DIDO1: variants seen among roughly 807,000 people sequenced by gnomAD.
DIDO1 encodes death inducer-obliterator 1, also known as death-inducer obliterator 1.
Under a neutral mutation model 99.4 loss-of-function variants are expected in DIDO1, and 16 were observed. The observed-to-expected ratio is 0.16, with a 90% CI of 0.11 to 0.24. The LOEUF (loss-of-function observed/expected upper bound fraction) is 0.24, where lower values mean the gene tolerates loss of function less well. Among genes scored for constraint, DIDO1 ranks in the 10% least tolerant of loss-of-function variants. The probability of loss-of-function intolerance (pLI) is 1.00; values close to 1 mark genes in which losing one functional copy is unlikely to be tolerated. For missense variants in DIDO1, 2,996 were observed against 3,014.0 expected (o/e 0.99, Z 0.14); for synonymous variants, 1,366 against 1,239.1 (o/e 1.10, Z -2.15).
chr20:62,902,036 T>C (rs1259644140), intron 6 of DIDO1, among the ~76,000 whole-genome samples: 1 of 151,646 alleles, frequency 6.6e-6, no homozygotes, highest in Non-Finnish European at 1.5e-5. Context: ...GAAGAGGTGG[T>C]GAATTCAGGG....
chr20:62,931,873 C>A (rs1295237605), intron 1 of DIDO1, among the ~76,000 whole-genome samples: 1 of 152,194 alleles, frequency 6.6e-6, no homozygotes, highest in Admixed American at 6.5e-5. Flanking sequence ...CTCCAGCAAC[C>A]TTCCAGAATT....
chr20:62,931,716 T>C (rs1212091633), intron 1 of DIDO1, among the ~76,000 whole-genome samples: 1 of 152,204 alleles, frequency 6.6e-6, no homozygotes, highest in East Asian at 1.9e-4. Context: ...CCAGACGCAA[T>C]GGGCCCCGGC....
intron 6 of DIDO1, 62 bp from the exon 7 acceptor site, chr20:62,897,058 C>A: frequency 6.8e-7 from 1 of 1,480,932 alleles, no homozygotes; most frequent in East Asian, 2.3e-5. Context: ...TCACCTGACT[C>A]TAAAAAGCAG....
Position 62,901,792 on chromosome 20 carries a change from CTA to C in DIDO1, c.1588+4093_1588+4094del, listed in dbSNP as rs571251458. 1.5e-4 allele frequency among the ~76,000 whole-genome samples: 21 copies of C among 143,640 alleles called. 1 individual carries two copies. In the South Asian group the frequency reaches 1.8e-3, roughly 12 times the overall value. The allele number at this position is 143,640 out of a possible 152,430, so 94.2% of individuals were successfully genotyped here. On this transcript the variant is annotated intron_variant, in intron 6 of 15. Transcript: ENST00000395343. ...TAACTTTTAGAAGCTAAGAATATAA[CTA>C]TGTGTATGTTGATGTGTTAACAGAA...
In DIDO1 at chr20:62,881,182, C is replaced by T. The variant is rs991037740; in HGVS notation, c.4774G>A (p.Glu1592Lys). 3.1e-6 allele frequency: 5 copies of T among 1,608,262 alleles called. No homozygotes were observed. Among genetic ancestry groups the T allele is most frequent in the Non-Finnish European group, 4.2e-6 (5 of 1,179,444 alleles). The stretch of plus-strand genomic sequence containing the variant: ...AGGCCACCCCTGGAAGCATCTCTCT[C>T]GGGCAGGGCACCCTGGGCACCACGT... ...SARGAQGALP[E>K]RDASRGGLVG... Residue 1592 changes from glutamate to lysine, a missense_variant, in exon 16 of 16, where the codon GAG (glutamate) becomes AAG (lysine). Coordinates refer to ENST00000395343, the MANE Select transcript of DIDO1 (RefSeq NM_001193369.2). This position sits in a 1 kb window ranked among gnomAD's most constrained non-coding sequence, Gnocchi z 8.3.
chr20:62,912,201 G>A (rs950080216), intron 2 of DIDO1, among the ~76,000 whole-genome samples: 1 of 152,218 alleles, frequency 6.6e-6, no homozygotes, highest in Non-Finnish European at 1.5e-5. Context: ...AGGGGCTGGG[G>A]CCAGGAAGGA....
chr20:62,879,633 C>A lies in DIDO1; in HGVS notation c.6323G>T (p.Arg2108Leu). The change falls in exon 16 of 16, where the codon CGG becomes CTG. Residue 2108 changes from arginine to leucine, a missense_variant. Transcript: ENST00000395343. This position sits in a 1 kb window ranked among gnomAD's most constrained non-coding sequence, Gnocchi z 6.3. Reference protein sequence around the residue: ...KPLEEPDAQGRASEDRRRERE... With the variant: ...KPLEEPDAQGLASEDRRRERE... ...CTCTCTCCTCCTGTCCTCGGACGCC[C>A]GGCCCTGGGCGTCGGGCTCCTCCAG... 4 of 1,606,210 alleles carry A rather than the reference C, an allele frequency of 2.5e-6. No homozygotes were observed. Among genetic ancestry groups the A allele is most frequent in the Non-Finnish European group, 3.4e-6 (4 of 1,179,754 alleles).
At chr20:62,920,657 G>T (rs985772209) in intron 1 of DIDO1, among the ~76,000 whole-genome samples, 1 of 152,208 alleles carries the variant, frequency 6.6e-6, no homozygotes, top group African/African-American at 2.4e-5. Context: ...GAGGCCCCCG[G>T]ATCAAAGCAG....
chr20:62,889,041 G>A, intron 15 of DIDO1: 1 of 985,508 alleles, frequency 1.0e-6, no homozygotes, highest in Non-Finnish European at 1.2e-6. Flanking sequence ...GTCCCCGTCA[G>A]GCGGCGTCGT....
chr20:62,936,335 T>C (rs1415145630), intron 1 of DIDO1, among the ~76,000 whole-genome samples: 1 of 149,510 alleles, frequency 6.7e-6, no homozygotes, highest in Non-Finnish European at 1.5e-5. Context: ...GGGTGATCAT[T>C]TGAGGTCAGG....
At position 62,877,855 on chromosome 20, in the gene DIDO1, CAAGT is replaced by C. The variant is rs1300897877; in HGVS notation, c.*1374_*1377del. On this transcript the variant is annotated 3_prime_UTR_variant, in exon 16 of 16. Transcript: ENST00000395343. The stretch of plus-strand genomic sequence containing the variant: ...AAATACAATGTACAGGAATCTCTAT[CAAGT>C]AAACTAAAGAAACACACTTGATTTT... 1 of 152,180 alleles carries C rather than the reference CAAGT, an allele frequency of 6.6e-6. No homozygotes were observed. Among genetic ancestry groups the C allele is most frequent in the Non-Finnish European group, 1.5e-5 (1 of 68,032 alleles). 9.4% of individuals were successfully genotyped at this position (152,180 alleles called of 1,614,324 possible).
At chr20:62,918,824 G>GT (rs11086146) in intron 1 of DIDO1, among the ~76,000 whole-genome samples, 29,423 of 152,082 alleles carry the variant, frequency 0.19, 2,948 homozygotes, top group East Asian at 0.28. Context: ...TCATCAATCT[G>GT]TTTATTATGC....
chr20:62,891,429 G>A (rs536259073), intron 14 of DIDO1, among the ~76,000 whole-genome samples: 1 of 152,258 alleles, frequency 6.6e-6, no homozygotes, highest in South Asian at 2.1e-4. Flanking sequence ...TCCCTAGAGG[G>A]GGTTAAACTA....
intron 15 of DIDO1, among the ~76,000 whole-genome samples, chr20:62,883,051 G>A (rs957681400): frequency 6.7e-6 from 1 of 150,164 alleles, no homozygotes; most frequent in African/African-American, 2.5e-5. Context: ...AGCCTCCTGA[G>A]TAGCTGGGAT....
intron 4 of DIDO1, among the ~76,000 whole-genome samples, chr20:62,907,690 C>T (rs2064838361): frequency 6.6e-6 from 1 of 152,202 alleles, no homozygotes; most frequent in Admixed American, 6.5e-5. Flanking sequence ...AGAGGACCCA[C>T]ATGCAGGGCT....
intron 6 of DIDO1, among the ~76,000 whole-genome samples, chr20:62,902,558 C>G (rs916889755): frequency 1.3e-5 from 2 of 152,138 alleles, no homozygotes; most frequent in South Asian, 4.1e-4. Context: ...GTTCTAGAAT[C>G]CCCCCATGTA....
intron 15 of DIDO1, among the ~76,000 whole-genome samples, chr20:62,885,780 T>C (rs1053093646): frequency 1.8e-4 from 28 of 152,246 alleles, no homozygotes; most frequent in African/African-American, 6.8e-4. Flanking sequence ...ATGTAAAATG[T>C]GGCAGGCGCC....
In DIDO1 at chr20:62,878,125, C is replaced by G. The variant is rs540728162; in HGVS notation, c.*1108G>C. On this transcript the variant is annotated 3_prime_UTR_variant, in exon 16 of 16. Coordinates refer to ENST00000395343, the MANE Select transcript of DIDO1 (RefSeq NM_001193369.2). ...CAATGGAATAACAGACTCCAAAGAA[C>G]AAGTGAAGTTCTTTAATTTTACATC... 7.9e-5 allele frequency: 12 copies of G among 152,160 alleles called. No homozygotes were observed. The highest frequency in any genetic ancestry group is 1.8e-4 in the Non-Finnish European group (12 of 68,016). The allele number at this position is 152,160 out of a possible 1,614,324, so 9.4% of individuals were successfully genotyped here. A position where few individuals can be genotyped will look rare whatever the true frequency, so the allele number is the denominator to read the frequency against.
chr20:62,923,244 C>T (rs191233843), intron 1 of DIDO1, among the ~76,000 whole-genome samples: 225 of 152,206 alleles, frequency 1.5e-3, no homozygotes, highest in African/African-American at 5.0e-3. Flanking sequence ...GGTGCGGTCT[C>T]GGCTCACTGC....
Sources: gnomAD v4.1 joint callset for allele counts (sites outside exome capture counted in the v4.1 genomes callset) on GRCh38, gnomAD v4.1.1 for gene constraint, Gnocchi (gnomAD v3.1) non-coding constraint, MANE v1.5 for transcripts, NCBI Gene and HGNC (gene_info 2026-07-23, HGNC 2026-07-21) for gene names.